FANCL: variants seen among roughly 807,000 people sequenced by gnomAD.
The protein encoded by FANCL is FA complementation group L, also known as E3 ubiquitin-protein ligase FANCL.
A neutral mutation model predicts 59.4 loss-of-function variants in FANCL; 69 were observed. That is an observed-to-expected ratio of 1.16 (90% confidence interval 0.96 to 1.42). The LOEUF (loss-of-function observed/expected upper bound fraction) is 1.42, where lower values mean the gene tolerates loss of function less well. Among genes scored for constraint, FANCL ranks in the 40% most tolerant of loss-of-function variants. The pLI is 0.00. For missense variants in FANCL, 519 were observed against 447.2 expected (o/e 1.16, Z -1.45); for synonymous variants, 180 against 147.1 (o/e 1.22, Z -1.62).
intron 7 of FANCL, among the ~76,000 whole-genome samples, chr2:58,188,733 A>G (rs979152732): frequency 6.0e-5 from 9 of 151,172 alleles, no homozygotes; most frequent in African/African-American, 1.5e-4. Context: ...AGACACTGCG[A>G]CCAGCCATAA....
At chr2:58,189,868 C>G (rs1440692521) in intron 7 of FANCL, among the ~76,000 whole-genome samples, 1 of 151,936 alleles carries the variant, frequency 6.6e-6, no homozygotes, top group East Asian at 1.9e-4. Context: ...CAGTTGTTTT[C>G]AATTCTGATC....
intron 7 of FANCL, among the ~76,000 whole-genome samples, chr2:58,194,816 A>G (rs1231359082): frequency 6.6e-6 from 1 of 151,956 alleles, no homozygotes; most frequent in African/African-American, 2.4e-5. Flanking sequence ...CTCTCATCAG[A>G]GCAAAAGAAA....
At chr2:58,205,461 T>A (rs763660087) in intron 5 of FANCL, among the ~76,000 whole-genome samples, 2 of 152,098 alleles carry the variant, frequency 1.3e-5, no homozygotes, top group Non-Finnish European at 2.9e-5. Context: ...AAAATTAGAA[T>A]GTCTTTATCA....
intron 7 of FANCL, among the ~76,000 whole-genome samples, chr2:58,189,364 A>G (rs1042501316): frequency 6.6e-6 from 1 of 152,124 alleles, no homozygotes; most frequent in African/African-American, 2.4e-5. Flanking sequence ...GCTTCTCGTT[A>G]GTTTTCTCAA....
intron 7 of FANCL, among the ~76,000 whole-genome samples, chr2:58,170,984 A>G (rs962229364): frequency 9.2e-5 from 14 of 152,262 alleles, no homozygotes; most frequent in Non-Finnish European, 1.8e-4. Context: ...CAAAATTAAC[A>G]AGGATATTCA....
intron 12 of FANCL, 96 bp from the exon 13 acceptor site, chr2:58,160,275 T>G: frequency 7.9e-7 from 1 of 1,271,624 alleles, no homozygotes. Context: ...GCATTATGTT[T>G]TTATTCCAGA....
At chr2:58,205,158 G>A (rs571929727) in intron 5 of FANCL, among the ~76,000 whole-genome samples, 42 of 150,730 alleles carry the variant, frequency 2.8e-4, no homozygotes, top group Non-Finnish European at 5.9e-4. Flanking sequence ...CCTAACTTAG[G>A]AAATATATTT....
intron 8 of FANCL, among the ~76,000 whole-genome samples, 178 bp from the exon 9 acceptor site, chr2:58,163,695 G>C (rs994109329): frequency 1.3e-5 from 2 of 151,908 alleles, no homozygotes; most frequent in Non-Finnish European, 2.9e-5. Context: ...AAGTAATTTT[G>C]ATATGATTAT....
Position 58,172,670 on chromosome 2 carries a change from A to C in FANCL, c.541-6796T>G, listed in dbSNP as rs186198595. On this transcript the variant is annotated intron_variant, in intron 7 of 13. Coordinates refer to ENST00000233741, the MANE Select transcript of FANCL (RefSeq NM_018062.4). ...ATCATCAAAGACCAAAAGTAGATAAAACCACAAAGATGGGGAAAAAACAGA... is the reference window on the plus strand; with the variant it reads ...ATCATCAAAGACCAAAAGTAGATAACACCACAAAGATGGGGAAAAAACAGA... Among the ~76,000 whole-genome samples, 437 of 152,314 alleles carry C rather than the reference A, an allele frequency of 2.9e-3. 6 individuals are homozygous for C. Among genetic ancestry groups the C allele is most frequent in the Admixed American group, 0.027 (409 of 15,294 alleles).
chr2:58,171,380 T>A (rs1266753133), intron 7 of FANCL, among the ~76,000 whole-genome samples: 1 of 152,116 alleles, frequency 6.6e-6, no homozygotes, highest in Non-Finnish European at 1.5e-5. Context: ...GCCAAAGCAG[T>A]GTTTCAAGGG....
intron 7 of FANCL, 76 bp downstream of exon 7, chr2:58,198,518 C>G: frequency 8.1e-7 from 1 of 1,233,954 alleles, no homozygotes; most frequent in Non-Finnish European, 1.2e-6. Flanking sequence ...AAATAATCCC[C>G]CCATGGATAC....
intron 7 of FANCL, among the ~76,000 whole-genome samples, chr2:58,197,789 A>G (rs1689574397): frequency 6.6e-6 from 1 of 152,218 alleles, no homozygotes; most frequent in Non-Finnish European, 1.5e-5. Flanking sequence ...ATAAAAATGG[A>G]GTAGAAATGC....
chr2:58,195,917 C>A (rs1176389496), intron 7 of FANCL, among the ~76,000 whole-genome samples: 1 of 152,042 alleles, frequency 6.6e-6, no homozygotes, highest in Non-Finnish European at 1.5e-5. Flanking sequence ...TAGGAAAAAC[C>A]CATACTAAAA....
rs1685178231 is a variant in FANCL, at chr2:58,161,585, A to G, written c.957T>C (p.Ile319=). The change falls in exon 12 of 14, where the codon ATT becomes ATC. Residue 319 remains isoleucine (I), a synonymous_variant. Coordinates refer to ENST00000233741, the MANE Select transcript of FANCL (RefSeq NM_018062.4). ...GAGAATTATCACACACTTGATCAGG[A>G]ATGGTACCGTCAAGTTGATAAGCAT... ...ICYAYQLDGT[I]PDQVCDNSQC... is the part of the protein sequence containing the mutation. 6.2e-7 allele frequency: 1 copy of G among 1,611,772 alleles called. No individual in the cohort carries two copies. The highest frequency in any genetic ancestry group is 1.3e-5 in the African/African-American group (1 of 74,960).
chr2:58,201,720 T>A (rs767424993), intron 6 of FANCL, among the ~76,000 whole-genome samples: 7 of 152,010 alleles, frequency 4.6e-5, no homozygotes, highest in Non-Finnish European at 8.8e-5. Context: ...AAAAAATTTA[T>A]CTGGTTTACT....
intron 5 of FANCL, among the ~76,000 whole-genome samples, chr2:58,208,772 G>A (rs371216600): frequency 1.1e-4 from 17 of 152,084 alleles, no homozygotes; most frequent in Middle Eastern, 3.4e-3. Context: ...TCTTTACTTC[G>A]TCTCTGTACA....
At position 58,208,725 on chromosome 2, in the gene FANCL, A is replaced by G. The variant is rs180907124; in HGVS notation, c.375-4499T>C. ...CTCAAGTTTAAGCATTAACTACTTC[A>G]TATCTGGATTACTAGAAACAATCTT... On this transcript the variant is annotated intron_variant, in intron 5 of 13. Coordinates refer to ENST00000233741, the MANE Select transcript of FANCL (RefSeq NM_018062.4). 1.7e-3 allele frequency among the ~76,000 whole-genome samples: 258 copies of G among 152,346 alleles called. 1 individual carries two copies. Among genetic ancestry groups the G allele is most frequent in the South Asian group, 2.9e-3 (14 of 4,832 alleles).
At chr2:58,220,503 G>T (rs1434554780) in intron 5 of FANCL, among the ~76,000 whole-genome samples, 1 of 152,202 alleles carries the variant, frequency 6.6e-6, no homozygotes, top group Non-Finnish European at 1.5e-5. Flanking sequence ...TCTTATTTCT[G>T]TAATAATCAC....
At chr2:58,229,995 TA>T in intron 2 of FANCL, 121 bp from the exon 3 acceptor site, 1 of 733,642 alleles carries the variant, frequency 1.4e-6, no homozygotes. Flanking sequence ...GACAAGTTAA[TA>T]AAATTTTTAC....
Sources: allele counts gnomAD v4.1 joint callset (sites outside exome capture counted in the v4.1 genomes callset), GRCh38; gene constraint gnomAD v4.1.1; transcripts MANE v1.5; gene names NCBI Gene and HGNC (gene_info 2026-07-23, HGNC 2026-07-21).